BBS9: variants seen among roughly 807,000 people sequenced by gnomAD.
BBS9 encodes the protein protein PTHB1.
Under a neutral mutation model 117.7 loss-of-function variants are expected in BBS9, and 89 were observed. The observed-to-expected ratio is 0.76, with a 90% CI of 0.64 to 0.90. The LOEUF is 0.90. Ranked by LOEUF, BBS9 falls within the 40% of genes least tolerant of loss-of-function variation. The pLI, the probability that BBS9 is intolerant of heterozygous loss-of-function variation, is 0.00. For missense variants in BBS9, 982 were observed against 1,042.2 expected, an observed-to-expected ratio of 0.94 and a Z score of 0.80; for synonymous variants, 379 against 370.9, an observed-to-expected ratio of 1.02 and a Z score of -0.25.
chr7:33,517,167 G>A (rs895473563), intron 20 of BBS9, among the ~76,000 whole-genome samples: 6 of 152,202 alleles, frequency 3.9e-5, no homozygotes, highest in African/African-American at 4.8e-5. Context: ...ACCCAAATAA[G>A]ATATGCCAAA....
At chr7:33,568,512 T>C (rs992090581) in intron 21 of BBS9, among the ~76,000 whole-genome samples, 4 of 152,230 alleles carry the variant, frequency 2.6e-5, no homozygotes, top group Non-Finnish European at 5.9e-5. Flanking sequence ...GCAATGGGCT[T>C]ATCTGTGTTG....
At position 33,177,765 on chromosome 7, in the gene BBS9, T is replaced by C; in HGVS notation, c.442+174T>C. The C allele has an allele frequency of 3.2e-6, 2 of 618,738 alleles. 1 individual carries two copies. The allele number at this position is 618,738 out of a possible 1,614,324, so 38.3% of individuals were successfully genotyped here. A position where few individuals can be genotyped will look rare whatever the true frequency, so the allele number is the denominator to read the frequency against. ...GTCTATGGCCATACCACCCTGAATG[T>C]GCCTGATATCGTCTGATCTTGGAAG... On this transcript the variant is annotated intron_variant, in intron 5 of 22. Transcript: ENST00000242067.
chr7:33,405,266 T>C (rs896742957), intron 19 of BBS9, among the ~76,000 whole-genome samples: 1 of 152,216 alleles, frequency 6.6e-6, no homozygotes, highest in Non-Finnish European at 1.5e-5. Flanking sequence ...ATTGAGGTTT[T>C]TGCATCAATG....
At chr7:33,490,508 G>GTT (rs1194238213) in intron 19 of BBS9, among the ~76,000 whole-genome samples, 1 of 151,994 alleles carries the variant, frequency 6.6e-6, no homozygotes. Context: ...TTTTATAGTT[G>GTT]AAAATCACTT....
intron 9 of BBS9, among the ~76,000 whole-genome samples, chr7:33,331,423 A>G (rs1466467207): frequency 6.6e-6 from 1 of 152,194 alleles, no homozygotes; most frequent in African/African-American, 2.4e-5. Context: ...TAGCCAGAGC[A>G]ATCAGACAAA....
intron 15 of BBS9, chr7:33,357,588 G>A: frequency 2.1e-6 from 1 of 485,370 alleles, no homozygotes; most frequent in South Asian, 2.1e-5. Flanking sequence ...GTATCCAAAT[G>A]TGATGATTTT....
At chr7:33,195,905 A>G (rs1018721304) in intron 5 of BBS9, among the ~76,000 whole-genome samples, 1 of 152,168 alleles carries the variant, frequency 6.6e-6, no homozygotes, top group African/African-American at 2.4e-5. Context: ...GTCTGACAGC[A>G]CAGTAGTCTC....
At chr7:33,164,531 A>G (rs564471547) in intron 4 of BBS9, among the ~76,000 whole-genome samples, 2 of 152,322 alleles carry the variant, frequency 1.3e-5, no homozygotes, top group South Asian at 4.1e-4. Flanking sequence ...GGGTGCATAT[A>G]TATTTAGGAC....
chr7:33,496,904 A>G (rs1442985569), intron 19 of BBS9, among the ~76,000 whole-genome samples: 3 of 152,226 alleles, frequency 2.0e-5, no homozygotes, highest in African/African-American at 7.2e-5. Flanking sequence ...TTTGGATACA[A>G]ATTGGATCAT....
At chr7:33,627,165 C>T (rs1003799211) in intron 21 of BBS9, among the ~76,000 whole-genome samples, 1 of 152,206 alleles carries the variant, frequency 6.6e-6, no homozygotes. Flanking sequence ...CTCCCAGCAT[C>T]CCAGCCATTC....
intron 5 of BBS9, among the ~76,000 whole-genome samples, chr7:33,224,464 A>G (rs1042980237): frequency 3.3e-5 from 5 of 152,264 alleles, no homozygotes; most frequent in African/African-American, 9.6e-5. Flanking sequence ...GCATTCTTAC[A>G]GCAAACATTT....
intron 4 of BBS9, chr7:33,157,715 C>T (rs979322878): frequency 2.6e-5 from 4 of 152,190 alleles, no homozygotes; most frequent in African/African-American, 7.2e-5. Flanking sequence ...TCTTCAACTG[C>T]TCCCTTCTCA....
At chr7:33,267,376 T>C (rs975257202) in intron 7 of BBS9, among the ~76,000 whole-genome samples, 1 of 152,156 alleles carries the variant, frequency 6.6e-6, no homozygotes, top group South Asian at 2.1e-4. Context: ...TGATATATAC[T>C]CTGCCATTTA....
In BBS9 at chr7:33,590,463, T is replaced by TTTTGTTTTTGTTTTTG. The variant is rs1452831433; in HGVS notation, c.2522-14399_2522-14398insGTTTTTGTTTTTGTTT. On this transcript the variant is annotated intron_variant, in intron 21 of 22. Coordinates refer to ENST00000242067, the MANE Select transcript of BBS9 (RefSeq NM_198428.3). ...TGTTTGTTTTTTTGTTTTTTTGTTTTTTTTTTTTTTTTTTACCAGATCAGA... is the reference window on the plus strand; with the variant it reads ...TGTTTGTTTTTTTGTTTTTTTGTTTTTTTGTTTTTGTTTTTGTTTTTTTTTTTTTTACCAGATCAGA... 2.7e-5 allele frequency among the ~76,000 whole-genome samples: 4 copies of TTTTGTTTTTGTTTTTG among 146,920 alleles called. 1 individual carries two copies. Among genetic ancestry groups the TTTTGTTTTTGTTTTTG allele is most frequent in the Admixed American group, 2.0e-4 (3 of 14,856 alleles).
intron 21 of BBS9, among the ~76,000 whole-genome samples, chr7:33,619,303 G>T (rs1201121304): frequency 3.9e-5 from 6 of 152,070 alleles, no homozygotes; most frequent in African/African-American, 9.7e-5. Flanking sequence ...CATCAAGAAG[G>T]TATAACGATT....
chr7:33,150,901 G>A (rs1359273893), intron 2 of BBS9, among the ~76,000 whole-genome samples: 1 of 152,178 alleles, frequency 6.6e-6, no homozygotes, highest in African/African-American at 2.4e-5. Flanking sequence ...CTTGAGTTTA[G>A]TCAGGAGTCA....
intron 9 of BBS9, among the ~76,000 whole-genome samples, chr7:33,325,089 C>G (rs985217608): frequency 6.6e-6 from 1 of 152,190 alleles, no homozygotes; most frequent in Non-Finnish European, 1.5e-5. Context: ...TCTCTACCTG[C>G]TCTTTAAGGC....
chr7:33,220,985 G>A (rs1023708799), intron 5 of BBS9, among the ~76,000 whole-genome samples: 14 of 152,166 alleles, frequency 9.2e-5, no homozygotes, highest in Non-Finnish European at 1.2e-4. Context: ...AATCTAAAGC[G>A]TTTGTTAGAG....
intron 5 of BBS9, among the ~76,000 whole-genome samples, chr7:33,190,349 C>T (rs1012853202): frequency 6.6e-6 from 1 of 152,184 alleles, no homozygotes; most frequent in Admixed American, 6.5e-5. Flanking sequence ...CCTGTTAACA[C>T]ACAACTCAAG....
Sources: allele counts gnomAD v4.1 joint callset (sites outside exome capture counted in the v4.1 genomes callset), GRCh38; gene constraint gnomAD v4.1.1; transcripts MANE v1.5; gene names NCBI Gene and HGNC (gene_info 2026-07-23, HGNC 2026-07-21).